ACACB: variants seen among roughly 807,000 people sequenced by gnomAD.
ACACB encodes the protein acetyl-CoA carboxylase beta.
A neutral mutation model predicts 278.8 loss-of-function variants in ACACB; 209 were observed. That is an observed-to-expected ratio of 0.75 (90% CI 0.67 to 0.84). The LOEUF (loss-of-function observed/expected upper bound fraction) is 0.84, where lower values mean the gene tolerates loss of function less well. ACACB is among the 40% of genes least tolerant of loss of function. ACACB has a pLI of 0.00. For missense variants in ACACB, 2,850 were observed against 3,269.0 expected, an observed-to-expected ratio of 0.87 and a Z score of 3.13; for synonymous variants, 1,174 against 1,285.6, an observed-to-expected ratio of 0.91 and a Z score of 1.86.
Position 109,245,696 on chromosome 12 carries a change from T to TG in ACACB, c.5251dup (p.Asp1751GlyfsTer17), listed in dbSNP as rs994598744. On this transcript the variant is annotated frameshift_variant, in exon 38 of 53. Coordinates refer to ENST00000338432, the MANE Select transcript of ACACB (RefSeq NM_001093.4). LOFTEE classifies it high-confidence loss of function. ...ATCCTGACATACACTGAATTAGTGT[T>TG]GGACTCTCAGGGCCAGCTGGTGGAG... 6.2e-7 allele frequency: 1 copy of TG among 1,614,058 alleles called. No individual in the cohort carries two copies. The highest frequency in any genetic ancestry group is 1.3e-5 in the African/African-American group (1 of 74,914).
At chr12:109,157,575 C>T (rs1593425817) in intron 2 of ACACB, among the ~76,000 whole-genome samples, 2 of 152,210 alleles carry the variant, frequency 1.3e-5, no homozygotes, top group East Asian at 3.9e-4. Flanking sequence ...CCGGCTCTTT[C>T]TTGGTCCGTT....
chr12:109,175,352 AT>A (rs1296138152), intron 7 of ACACB, among the ~76,000 whole-genome samples: 4 of 151,278 alleles, frequency 2.6e-5, no homozygotes, highest in East Asian at 1.9e-4. Context: ...TAGAATTGGG[AT>A]TTTTTTTTGG....
chr12:109,252,333 T>A (rs1040690213), intron 42 of ACACB, 177 bp downstream of exon 42: 38 of 472,464 alleles, frequency 8.0e-5, no homozygotes, highest in African/African-American at 1.2e-4. Context: ...AAAAAAAAAA[T>A]TAGTTTTAGG....
chr12:109,123,705 A>ATTTTCTTTTTTTT (rs2042608204), intron 1 of ACACB, among the ~76,000 whole-genome samples: 1 of 148,494 alleles, frequency 6.7e-6, no homozygotes, highest in Non-Finnish European at 1.5e-5. Context: ...AAAAAAGAAA[A>ATTTTCTTTTTTTT]GAGACAGGGT....
At chr12:109,260,210 G>T in intron 47 of ACACB, 1 of 1,406,808 alleles carries the variant, frequency 7.1e-7, no homozygotes, top group Middle Eastern at 2.2e-4. Context: ...CATGGGTGAG[G>T]GCATTTCAAT....
chr12:109,163,212 A>G (rs548554783), intron 2 of ACACB, among the ~76,000 whole-genome samples: 2 of 152,300 alleles, frequency 1.3e-5, no homozygotes, highest in South Asian at 4.1e-4. Context: ...GGCGTGAGCC[A>G]CTGCACCCGG....
At chr12:109,167,627 A>G (rs1419936441) in intron 3 of ACACB, among the ~76,000 whole-genome samples, 1 of 124,778 alleles carries the variant, frequency 8.0e-6, no homozygotes, top group Admixed American at 7.9e-5. Flanking sequence ...ATGTGTATAT[A>G]TATATATATA....
chr12:109,124,754 A>G (rs2042636771), intron 1 of ACACB, among the ~76,000 whole-genome samples: 1 of 152,124 alleles, frequency 6.6e-6, no homozygotes, highest in Admixed American at 6.5e-5. Flanking sequence ...TCTCTCTGTC[A>G]TCCAGGCTAG....
chr12:109,256,186 CA>C lies in ACACB; in HGVS notation c.6215del (p.Lys2072ArgfsTer12). ...QSGFFDHGSF[K>X]EIMAPWAQTV... ...GCGGATTCTTTGACCACGGCAGTTT[CA>C]AGGAAATCATGGCACCCTGGGCGCA... On this transcript the variant is annotated frameshift_variant, in exon 45 of 53. Transcript: ENST00000338432. LOFTEE classifies it high-confidence loss of function. The C allele has an allele frequency of 2.5e-6, 4 of 1,613,990 alleles. No individual in the cohort carries two copies. Among genetic ancestry groups the C allele is most frequent in the Non-Finnish European group, 3.4e-6 (4 of 1,179,934 alleles).
intron 12 of ACACB, among the ~76,000 whole-genome samples, chr12:109,186,839 G>A (rs1057189635): frequency 6.6e-6 from 1 of 152,056 alleles, no homozygotes; most frequent in African/African-American, 2.4e-5. Flanking sequence ...GGAGGATGGA[G>A]GACCAGGTAT....
In ACACB at chr12:109,199,414, C is replaced by T. The variant is rs748956684; in HGVS notation, c.2640C>T (p.Thr880=). ...TCCTCTCTCCCAGTTACCGAATTACCATCGGCAATAAGACGTGTGTGTTTG... is the reference window on the plus strand; with the variant it reads ...TCCTCTCTCCCAGTTACCGAATTACTATCGGCAATAAGACGTGTGTGTTTG... ...MKEEVDSYRI[T]IGNKTCVFEK... The change falls in exon 18 of 53, where the codon ACC becomes ACT. Residue 880 remains threonine (T), a synonymous_variant. Coordinates refer to ENST00000338432, the MANE Select transcript of ACACB (RefSeq NM_001093.4). 4 of 1,506,112 alleles carry T rather than the reference C, an allele frequency of 2.7e-6. No individual in the cohort carries two copies. The highest frequency in any genetic ancestry group is 8.9e-7 in the Non-Finnish European group (1 of 1,125,944). 93.3% of individuals were successfully genotyped at this position (1,506,112 alleles called of 1,614,324 possible).
At chr12:109,238,062 T>A in intron 34 of ACACB, among the ~76,000 whole-genome samples, 1 of 150,588 alleles carries the variant, frequency 6.6e-6, no homozygotes, top group Admixed American at 6.6e-5. Flanking sequence ...ATGATTATAT[T>A]GTGAAAATTT....
intron 19 of ACACB, among the ~76,000 whole-genome samples, chr12:109,202,835 T>G (rs918216742): frequency 2.0e-5 from 3 of 152,216 alleles, no homozygotes; most frequent in African/African-American, 7.2e-5. Context: ...TCAGATTTCT[T>G]TAGTTCATTT....
chr12:109,126,980 C>G (rs1378150799), intron 1 of ACACB, among the ~76,000 whole-genome samples: 1 of 152,136 alleles, frequency 6.6e-6, no homozygotes, highest in African/African-American at 2.4e-5. Flanking sequence ...GGATTTGGCA[C>G]AAAACCAGAG....
In ACACB at chr12:109,254,347, G is replaced by A. The variant is rs776742099; in HGVS notation, c.6166+13G>A. Reference sequence around the variant, plus strand: ...AGGCCTCACCCAAGTAAGTTCTAAAGTATTTTGCCTAGGACCTGGTCTCGG... The same window carrying A: ...AGGCCTCACCCAAGTAAGTTCTAAAATATTTTGCCTAGGACCTGGTCTCGG... On this transcript the variant is annotated intron_variant, in intron 44 of 52. Transcript: ENST00000338432. The A allele has an allele frequency of 5.0e-6, 8 of 1,602,916 alleles. No individual in the cohort carries two copies. Among genetic ancestry groups the A allele is most frequent in the Non-Finnish European group, 6.8e-6 (8 of 1,178,284 alleles).
chr12:109,255,353 G>A lies in ACACB; in HGVS notation c.6167-787G>A, dbSNP rs143182534. ...GTGCAATGCAGGAGAGGTGACCCTC[G>A]GGAGTGTGCTAGACTCCAGCCAGTG... On this transcript the variant is annotated intron_variant, in intron 44 of 52. Coordinates refer to ENST00000338432, the MANE Select transcript of ACACB (RefSeq NM_001093.4). Among the ~76,000 whole-genome samples, 536 of 152,284 alleles carry A rather than the reference G, an allele frequency of 3.5e-3. 3 individuals carry two copies. The highest frequency in any genetic ancestry group is 0.012 in the African/African-American group (505 of 41,554).
At chr12:109,117,779 G>A (rs1280610697) in intron 1 of ACACB, among the ~76,000 whole-genome samples, 1 of 152,230 alleles carries the variant, frequency 6.6e-6, no homozygotes, top group African/African-American at 2.4e-5. Context: ...ACTGAAAGGT[G>A]AAGATATTAT....
At chr12:109,198,278 G>A (rs948333470) in intron 17 of ACACB, among the ~76,000 whole-genome samples, 2 of 152,102 alleles carry the variant, frequency 1.3e-5, no homozygotes, top group African/African-American at 4.8e-5. Context: ...CAGTTCAAAG[G>A]TTAAGACTTT....
chr12:109,246,436 A>G lies in ACACB; in HGVS notation c.5559A>G (p.Glu1853=), dbSNP rs749208910. ...TCCACGTGGCTTGGGTGGACCCAGA[A>G]GACCCCCACAAAGTACGTCGTGAAA... ...HMFHVAWVDP[E]DPHKGFKYLY... Residue 1853 remains glutamate (E), a synonymous_variant, in exon 39 of 53, where the codon GAA becomes GAG. Transcript: ENST00000338432. 23 of 1,610,822 alleles carry G rather than the reference A, an allele frequency of 1.4e-5. No homozygotes were observed. In the Middle Eastern group the frequency reaches 2.3e-3, roughly 164 times the overall value.
Sources: gnomAD v4.1 joint callset for allele counts (sites outside exome capture counted in the v4.1 genomes callset) on GRCh38, gnomAD v4.1.1 for gene constraint, MANE v1.5 for transcripts, NCBI Gene and HGNC (gene_info 2026-07-23, HGNC 2026-07-21) for gene names.